The following COBL variants were observed in gnomAD, a reference collection of about 807,000 sequenced individuals.
The protein encoded by COBL is cordon-bleu WH2 repeat protein.
Under a neutral mutation model 98.8 loss-of-function variants are expected in COBL, and 51 were observed. The observed-to-expected ratio is 0.52, with a 90% CI of 0.41 to 0.65. The LOEUF is 0.65. Among genes scored for constraint, COBL ranks in the 30% least tolerant of loss-of-function variants. The pLI, the probability that COBL is intolerant of heterozygous loss-of-function variation, is 0.00. For synonymous variants in COBL, 634 were observed against 651.7 expected (o/e 0.97, Z 0.41); for missense variants, 1,617 against 1,617.5 (o/e 1.00, Z 0.01).
intron 5 of COBL, among the ~76,000 whole-genome samples, chr7:51,153,819 C>G (rs1171852664): frequency 6.6e-6 from 1 of 152,176 alleles, no homozygotes; most frequent in East Asian, 1.9e-4. Flanking sequence ...AATATCAGTG[C>G]TGTCACGCAG....
intron 6 of COBL, among the ~76,000 whole-genome samples, chr7:51,115,192 A>G (rs1208033876): frequency 1.3e-5 from 2 of 152,124 alleles, no homozygotes; most frequent in African/African-American, 2.4e-5. Flanking sequence ...ATCAATCTAG[A>G]TATGTTGATC....
rs925447631 is a variant in COBL at position 51,264,739 on chromosome 7, A to G, written c.42-44795T>C. On this transcript the variant is annotated intron_variant, in intron 1 of 12. Coordinates refer to ENST00000265136, the MANE Select transcript of COBL (RefSeq NM_015198.5). ...AGAAAAATGAACAAAATGCTTTTAA[A>G]TGCACATTGATAACATCAAAACACA... is the stretch of plus-strand genomic sequence containing the variant. Among the ~76,000 whole-genome samples, 6 of 152,188 alleles carry G rather than the reference A, an allele frequency of 3.9e-5. No individual in the cohort carries two copies. In the South Asian group the frequency reaches 1.2e-3, roughly 32 times the overall value.
chr7:51,155,237 T>G (rs894386960), intron 5 of COBL, among the ~76,000 whole-genome samples: 30 of 152,124 alleles, frequency 2.0e-4, no homozygotes, highest in Non-Finnish European at 4.1e-4. Context: ...CCACTCTGCC[T>G]GGGACATAAA....
chr7:51,205,982 C>T (rs1001941887), intron 2 of COBL, among the ~76,000 whole-genome samples: 1 of 152,026 alleles, frequency 6.6e-6, no homozygotes, highest in African/African-American at 2.4e-5. Flanking sequence ...AATTCAAAAC[C>T]ACAATATCAC....
At chr7:51,091,941 CA>C (rs1794849529) in intron 6 of COBL, among the ~76,000 whole-genome samples, 1 of 152,114 alleles carries the variant, frequency 6.6e-6, no homozygotes, top group Non-Finnish European at 1.5e-5. Context: ...AACTTCCAAC[CA>C]AGAATAGTTT....
chr7:51,230,370 G>C (rs1031296278), intron 1 of COBL, among the ~76,000 whole-genome samples: 1 of 152,138 alleles, frequency 6.6e-6, no homozygotes, highest in Non-Finnish European at 1.5e-5. Flanking sequence ...TGTCATCTCT[G>C]TCTCTTCTTC....
intron 2 of COBL, among the ~76,000 whole-genome samples, chr7:51,209,156 A>G (rs1217724864): frequency 6.6e-6 from 1 of 152,050 alleles, no homozygotes; most frequent in Non-Finnish European, 1.5e-5. Context: ...CAGGGCCCTA[A>G]CACTGAACCA....
intron 2 of COBL, among the ~76,000 whole-genome samples, chr7:51,205,782 T>C (rs1436612341): frequency 2.0e-5 from 3 of 152,122 alleles, no homozygotes; most frequent in Non-Finnish European, 2.9e-5. Context: ...GTGCAATCTA[T>C]GGAATGGGAG....
intron 5 of COBL, among the ~76,000 whole-genome samples, chr7:51,147,767 T>C (rs1305731199): frequency 6.6e-6 from 1 of 151,680 alleles, no homozygotes; most frequent in Non-Finnish European, 1.5e-5. Flanking sequence ...TTTTTTTTTT[T>C]TGATACAGAG....
intron 5 of COBL, among the ~76,000 whole-genome samples, chr7:51,178,294 T>C (rs773321799): frequency 2.0e-5 from 3 of 152,080 alleles, no homozygotes; most frequent in Admixed American, 6.5e-5. Context: ...ACAAAAATGA[T>C]AGATAAAACT....
At chr7:51,057,226 T>C (rs1790851771) in intron 7 of COBL, among the ~76,000 whole-genome samples, 1 of 152,212 alleles carries the variant, frequency 6.6e-6, no homozygotes, top group East Asian at 1.9e-4. Flanking sequence ...TCCTATTTCA[T>C]TGCTAGTCAT....
chr7:51,150,892 G>A (rs1332277424), intron 5 of COBL, among the ~76,000 whole-genome samples: 1 of 152,092 alleles, frequency 6.6e-6, no homozygotes, highest in Non-Finnish European at 1.5e-5. Flanking sequence ...ATGGGCCCAC[G>A]CTTAAACTCT....
intron 7 of COBL, among the ~76,000 whole-genome samples, chr7:51,083,699 C>A (rs943511908): frequency 6.6e-6 from 1 of 152,202 alleles, no homozygotes; most frequent in African/African-American, 2.4e-5. Flanking sequence ...AGCTTATCTC[C>A]TGAGTCCATT....
intron 12 of COBL, among the ~76,000 whole-genome samples, chr7:51,020,716 G>A (rs778086258): frequency 2.6e-5 from 4 of 152,234 alleles, no homozygotes; most frequent in Non-Finnish European, 5.9e-5. Context: ...CACTGAGGAA[G>A]TGGGTGCACA....
intron 2 of COBL, among the ~76,000 whole-genome samples, chr7:51,213,339 G>A (rs116272184): frequency 0.014 from 2,116 of 152,326 alleles, 52 homozygotes; most frequent in African/African-American, 0.048. Context: ...TCCAACCGCA[G>A]TGGCATTCGA....
At position 51,195,198 on chromosome 7, in the gene COBL, T is replaced by C. The variant is rs115487065; in HGVS notation, c.246-1609A>G. ...ATCTTGAGTTATCTTTTGTACATGG[T>C]ATGTGGAAGGGGTCTAGTTTCAATC... On this transcript the variant is annotated intron_variant, in intron 2 of 12. Coordinates refer to ENST00000265136, the MANE Select transcript of COBL (RefSeq NM_015198.5). Among the ~76,000 whole-genome samples the C allele has an allele frequency of 7.3e-3, 1,114 of 152,330 alleles. 13 individuals carry two copies. The highest frequency in any genetic ancestry group is 0.026 in the African/African-American group (1,082 of 41,582).
intron 2 of COBL, among the ~76,000 whole-genome samples, chr7:51,204,056 A>AG (rs1227141947): frequency 6.6e-6 from 1 of 152,226 alleles, no homozygotes; most frequent in African/African-American, 2.4e-5. Flanking sequence ...CTGAGATGCA[A>AG]GGATGGTTCA....
intron 7 of COBL, among the ~76,000 whole-genome samples, chr7:51,060,255 G>A (rs1562857381): frequency 1.3e-5 from 2 of 152,244 alleles, no homozygotes; most frequent in East Asian, 1.9e-4. Context: ...GGGAAGAAAA[G>A]TTTCCCACTT....
intron 1 of COBL, among the ~76,000 whole-genome samples, chr7:51,244,469 G>A (rs1222754456): frequency 6.7e-6 from 1 of 148,376 alleles, no homozygotes; most frequent in Admixed American, 6.7e-5. Flanking sequence ...CCTTCAATTA[G>A]GGAACTCTAT....
Sources: allele counts gnomAD v4.1 joint callset (sites outside exome capture counted in the v4.1 genomes callset), GRCh38; gene constraint gnomAD v4.1.1; transcripts MANE v1.5; gene names NCBI Gene and HGNC (gene_info 2026-07-23, HGNC 2026-07-21).